The following EYA2 variants were observed in gnomAD, a reference collection of about 807,000 sequenced individuals.
EYA2 encodes the protein protein phosphatase EYA2.
In EYA2, 31 loss-of-function variants were observed where a neutral mutation model predicts 69.2. That is an observed-to-expected ratio of 0.45 (90% CI 0.34 to 0.60). The LOEUF (loss-of-function observed/expected upper bound fraction) is 0.60. Among genes scored for constraint, EYA2 ranks in the 20% least tolerant of loss-of-function variants. The pLI is 0.02. For synonymous variants in EYA2, 257 were observed against 279.4 expected (o/e 0.92, Z 0.80); for missense variants, 622 against 701.2 (o/e 0.89, Z 1.28).
Position 46,985,491 on chromosome 20 carries a change from A to C in EYA2, c.-10-4510A>C, listed in dbSNP as rs541631670. ...AAGAGCTCTTAAGGATGACAGCAAC[A>C]CTCAGTAAAGTAAATAAGCTACGTG... On this transcript the variant is annotated intron_variant, in intron 1 of 15. Coordinates refer to ENST00000327619, the MANE Select transcript of EYA2 (RefSeq NM_005244.5). 2.0e-5 allele frequency among the ~76,000 whole-genome samples: 3 copies of C among 152,282 alleles called. No individual in the cohort carries two copies. The South Asian group carries it at 6.2e-4, about 32-fold the overall frequency.
At chr20:47,156,864 G>A (rs1004666922) in intron 10 of EYA2, among the ~76,000 whole-genome samples, 2 of 151,914 alleles carry the variant, frequency 1.3e-5, no homozygotes, top group African/African-American at 2.4e-5. Flanking sequence ...TCGGGGCCCT[G>A]ATGAGCATCA....
At chr20:47,161,976 A>G (rs1430226662) in intron 10 of EYA2, among the ~76,000 whole-genome samples, 1 of 152,150 alleles carries the variant, frequency 6.6e-6, no homozygotes, top group East Asian at 1.9e-4. Flanking sequence ...AGTTCATGAG[A>G]CGAGAAGTCC....
chr20:47,088,235 A>C (rs2031958089), intron 7 of EYA2, among the ~76,000 whole-genome samples: 1 of 152,242 alleles, frequency 6.6e-6, no homozygotes, highest in Non-Finnish European at 1.5e-5. Context: ...CTCCGTCTCA[A>C]AAAATAAAAA....
intron 8 of EYA2, among the ~76,000 whole-genome samples, chr20:47,094,084 T>A (rs2032173952): frequency 6.6e-6 from 1 of 152,176 alleles, no homozygotes; most frequent in Non-Finnish European, 1.5e-5. Flanking sequence ...GGGAATAGGG[T>A]CACCTGCAGA....
intron 5 of EYA2, among the ~76,000 whole-genome samples, chr20:47,065,174 C>G: frequency 6.6e-6 from 1 of 152,226 alleles, no homozygotes; most frequent in Middle Eastern, 3.4e-3. Context: ...TCCCATGACA[C>G]GTGGGAATTA....
chr20:47,044,028 G>C (rs991186089), intron 5 of EYA2, among the ~76,000 whole-genome samples: 1 of 152,130 alleles, frequency 6.6e-6, no homozygotes, highest in Non-Finnish European at 1.5e-5. Context: ...TTGGAGACAG[G>C]GCACTAGGAA....
intron 1 of EYA2, among the ~76,000 whole-genome samples, chr20:46,944,466 G>C (rs992925198): frequency 2.6e-5 from 4 of 152,118 alleles, no homozygotes; most frequent in African/African-American, 9.7e-5. Flanking sequence ...AGGATGTGAG[G>C]TGTGTGGGTG....
intron 4 of EYA2, among the ~76,000 whole-genome samples, chr20:47,010,973 G>A (rs959838914): frequency 3.9e-5 from 6 of 152,108 alleles, no homozygotes; most frequent in African/African-American, 1.4e-4. Flanking sequence ...ATTTTTAGTA[G>A]AGACAGGGTT....
chr20:46,957,109 G>A (rs934704514), intron 1 of EYA2, among the ~76,000 whole-genome samples: 1 of 152,160 alleles, frequency 6.6e-6, no homozygotes, highest in Non-Finnish European at 1.5e-5. Flanking sequence ...AGTTACAACA[G>A]GGCCTGGTAT....
At position 46,989,998 on chromosome 20, in the gene EYA2, C is replaced by T; in HGVS notation, c.-10-3C>T. 7.0e-7 allele frequency: 1 copy of T among 1,420,390 alleles called. No homozygotes were observed. Among genetic ancestry groups the T allele is most frequent in the Non-Finnish European group, 1.0e-6 (1 of 1,004,332 alleles). The allele number at this position is 1,420,390 out of a possible 1,614,324, so 88.0% of individuals were successfully genotyped here. A position where few individuals can be genotyped will look rare whatever the true frequency, so the allele number is the denominator to read the frequency against. ...AATTATATTTCCCTTTGTTTTCTTT[C>T]AGGTACAAGGAAATGGTAGAACTAG... On this transcript the variant is annotated splice_polypyrimidine_tract_variant and splice_region_variant and intron_variant, in intron 1 of 15. Transcript: ENST00000327619.
At chr20:47,078,323 G>A (rs892041121) in intron 7 of EYA2, among the ~76,000 whole-genome samples, 27 of 50,980 alleles carry the variant, frequency 5.3e-4, no homozygotes, top group East Asian at 1.7e-3. Context: ...GCACGTGCGC[G>A]CGCGCGCGCA....
intron 5 of EYA2, among the ~76,000 whole-genome samples, chr20:47,051,909 C>T (rs1003998384): frequency 2.0e-5 from 3 of 152,200 alleles, no homozygotes; most frequent in Non-Finnish European, 2.9e-5. Context: ...GCATAGTGCC[C>T]GGCACAGAGC....
intron 1 of EYA2, among the ~76,000 whole-genome samples, chr20:46,935,853 A>G (rs1432091707): frequency 1.3e-5 from 2 of 152,024 alleles, no homozygotes; most frequent in South Asian, 2.1e-4. Context: ...TTATATTGCA[A>G]CATCATAATA....
At chr20:47,076,161 TACAC>T (rs1280454650) in intron 7 of EYA2, among the ~76,000 whole-genome samples, 1 of 152,268 alleles carries the variant, frequency 6.6e-6, no homozygotes, top group African/African-American at 2.4e-5. Context: ...GCAATGAACA[TACAC>T]ATGCATGTGT....
chr20:47,102,154 C>G (rs993925894), intron 9 of EYA2, among the ~76,000 whole-genome samples: 1 of 152,222 alleles, frequency 6.6e-6, no homozygotes, highest in Non-Finnish European at 1.5e-5. Context: ...TCCCTCTCAG[C>G]AATCCCAACT....
In EYA2 at chr20:47,095,295, C is replaced by CA. The variant is rs369417843; in HGVS notation, c.805-1785dup. Among the ~76,000 whole-genome samples the CA allele has an allele frequency of 2.8e-3, 431 of 151,640 alleles. 1 individual carries two copies. Among genetic ancestry groups the CA allele is most frequent in the African/African-American group, 9.8e-3 (406 of 41,368 alleles). ...TTAAGAAATCTCCCAGAACACAGATCAAAAAGACAGATTTATTAAAAAATA... is the reference window on the plus strand; with the variant it reads ...TTAAGAAATCTCCCAGAACACAGATCAAAAAAGACAGATTTATTAAAAAATA... On this transcript the variant is annotated intron_variant, in intron 8 of 15. Transcript: ENST00000327619.
At chr20:47,028,943 AAC>A (rs72468797) in intron 5 of EYA2, among the ~76,000 whole-genome samples, 3,411 of 151,504 alleles carry the variant, frequency 0.023, 92 homozygotes, top group African/African-American at 0.069. Context: ...ATTAAAAAAA[AAC>A]AAATGCCAGA....
chr20:47,184,183 C>T (rs1410472202), intron 15 of EYA2, among the ~76,000 whole-genome samples: 3 of 152,060 alleles, frequency 2.0e-5, no homozygotes, highest in African/African-American at 4.8e-5. Flanking sequence ...CTCTATTATC[C>T]GCCGCCATGA....
chr20:47,034,423 T>C (rs981018175), intron 5 of EYA2, among the ~76,000 whole-genome samples: 1 of 152,180 alleles, frequency 6.6e-6, no homozygotes, highest in Non-Finnish European at 1.5e-5. Flanking sequence ...TTAAAAACTG[T>C]GTGGGGGCAG....
Sources: gnomAD v4.1 joint callset for allele counts (sites outside exome capture counted in the v4.1 genomes callset) on GRCh38, gnomAD v4.1.1 for gene constraint, MANE v1.5 for transcripts, NCBI Gene and HGNC (gene_info 2026-07-23, HGNC 2026-07-21) for gene names.